APP: variants seen among roughly 807,000 people sequenced by gnomAD.
APP encodes the protein amyloid-beta precursor protein.
In APP, 31 loss-of-function variants were observed where a neutral mutation model predicts 101.4. The ratio of observed to expected loss-of-function variants is 0.31; its 90% confidence interval spans 0.23 to 0.41. The LOEUF (loss-of-function observed/expected upper bound fraction) is 0.41. Among genes scored for constraint, APP ranks in the 10% least tolerant of loss-of-function variants. The pLI is 1.00. For synonymous variants in APP, 366 were observed against 364.4 expected, an observed-to-expected ratio of 1.00 and a Z score of -0.05; for missense variants, 839 against 1,003.7, an observed-to-expected ratio of 0.84 and a Z score of 2.22.
intron 17 of APP, among the ~76,000 whole-genome samples, chr21:25,888,783 C>T (rs545876967): frequency 9.2e-5 from 14 of 152,216 alleles, no homozygotes; most frequent in African/African-American, 2.9e-4. Flanking sequence ...AAAAAAAGAG[C>T]GTTTTAATTC....
At chr21:26,112,224 T>C (rs1601492738) in intron 1 of APP, 78 bp from the exon 2 acceptor site, 8 of 1,447,766 alleles carry the variant, frequency 5.5e-6, no homozygotes, top group East Asian at 2.3e-5. Flanking sequence ...GGGATAACTA[T>C]CAAAAAGAGT....
intron 5 of APP, among the ~76,000 whole-genome samples, chr21:26,042,572 C>CA (rs1178047366): frequency 6.6e-6 from 1 of 152,146 alleles, no homozygotes; most frequent in Non-Finnish European, 1.5e-5. Flanking sequence ...CCTGTGCAAG[C>CA]GTTTTATGAT....
intron 8 of APP, among the ~76,000 whole-genome samples, chr21:25,996,048 A>G (rs918842967): frequency 3.9e-5 from 6 of 152,182 alleles, no homozygotes; most frequent in African/African-American, 1.2e-4. Flanking sequence ...TAAATGGCAT[A>G]TATCATCCCT....
chr21:26,131,096 GCACT>G (rs1242849025), intron 1 of APP, among the ~76,000 whole-genome samples: 1 of 152,006 alleles, frequency 6.6e-6, no homozygotes, highest in Non-Finnish European at 1.5e-5. Flanking sequence ...GGGCGTGGTG[GCACT>G]CACCCGTAAT....
chr21:25,968,214 C>T (rs1016244578), intron 11 of APP, among the ~76,000 whole-genome samples: 18 of 151,974 alleles, frequency 1.2e-4, no homozygotes, highest in African/African-American at 4.4e-4. Flanking sequence ...GCAGTGGCAC[C>T]ATCACAGCTC....
At position 26,123,517 on chromosome 21, in the gene APP, T is replaced by C. The variant is rs528138285; in HGVS notation, c.58-11371A>G. 2.0e-5 allele frequency among the ~76,000 whole-genome samples: 3 copies of C among 152,314 alleles called. 1 individual carries two copies. In the South Asian group the frequency reaches 6.2e-4, roughly 32 times the overall value. ...TATTTGCTTGATAAGCCTGGGTAGA[T>C]TGTCCTTCTTAAATAACTTACACCA... is the stretch of plus-strand genomic sequence containing the variant. On this transcript the variant is annotated intron_variant, in intron 1 of 17. Coordinates refer to ENST00000346798, the MANE Select transcript of APP (RefSeq NM_000484.4).
chr21:26,018,321 T>C (rs562270688), intron 6 of APP, among the ~76,000 whole-genome samples: 66 of 152,354 alleles, frequency 4.3e-4, no homozygotes, highest in Non-Finnish European at 7.2e-4. Context: ...AACAAGATTG[T>C]AAGCCTCCCT....
intron 5 of APP, among the ~76,000 whole-genome samples, chr21:26,041,036 T>G (rs183119973): frequency 6.6e-6 from 1 of 152,208 alleles, no homozygotes; most frequent in Non-Finnish European, 1.5e-5. Context: ...TTTTGTTCAC[T>G]CTCTACCTCT....
chr21:26,033,868 A>G (rs1334039047), intron 5 of APP, among the ~76,000 whole-genome samples: 1 of 152,164 alleles, frequency 6.6e-6, no homozygotes, highest in East Asian at 1.9e-4. Context: ...TTTGAGTTGG[A>G]GAATAGTTAC....
At chr21:25,924,774 A>T (rs1206511523) in intron 13 of APP, among the ~76,000 whole-genome samples, 1 of 149,702 alleles carries the variant, frequency 6.7e-6, no homozygotes, top group African/African-American at 2.6e-5. Flanking sequence ...AACTTAAAGT[A>T]AACAAAGAAA....
chr21:25,940,615 A>T (rs216763), intron 13 of APP, among the ~76,000 whole-genome samples: 127,168 of 152,146 alleles, frequency 0.84, 54,173 homozygotes, highest in Non-Finnish European at 0.92. Context: ...GCAGCTGTTA[A>T]ATTTTTGTGA....
At chr21:26,126,464 A>G (rs966531564) in intron 1 of APP, among the ~76,000 whole-genome samples, 1 of 152,154 alleles carries the variant, frequency 6.6e-6, no homozygotes, top group African/African-American at 2.4e-5. Context: ...TTACCCTGAC[A>G]CTAGTCTCAC....
At position 25,983,057 on chromosome 21, in the gene APP, AC is replaced by A. The variant is rs530814031; in HGVS notation, c.1091-581del. 1.1e-3 allele frequency among the ~76,000 whole-genome samples: 169 copies of A among 152,364 alleles called. 1 individual carries two copies. Among genetic ancestry groups the A allele is most frequent in the African/African-American group, 3.9e-3 (162 of 41,592 alleles). On this transcript the variant is annotated intron_variant, in intron 8 of 17. Coordinates refer to ENST00000346798, the MANE Select transcript of APP (RefSeq NM_000484.4). ...AAACACATTTTTGAATCACAAAAGG[AC>A]TTTTCTGTCTTCATAAATTTGACAA... is the stretch of plus-strand genomic sequence containing the variant.
chr21:26,085,114 T>G (rs758298055), intron 3 of APP, among the ~76,000 whole-genome samples: 1 of 152,166 alleles, frequency 6.6e-6, no homozygotes, highest in Non-Finnish European at 1.5e-5. Flanking sequence ...ACTGATAAGA[T>G]TTCTTTTCCG....
intron 9 of APP, among the ~76,000 whole-genome samples, chr21:25,980,801 T>C (rs1424627297): frequency 6.6e-6 from 1 of 152,170 alleles, no homozygotes; most frequent in Non-Finnish European, 1.5e-5. Context: ...GAGATGATTA[T>C]CATGGAAAAG....
chr21:25,981,733 T>TC (rs1245865404), intron 9 of APP, among the ~76,000 whole-genome samples: 20 of 142,818 alleles, frequency 1.4e-4, no homozygotes, highest in African/African-American at 3.8e-4. Flanking sequence ...TTTTTTTTTT[T>TC]CAGCAAAGTA....
At chr21:26,137,538 G>C (rs1410446419) in intron 1 of APP, among the ~76,000 whole-genome samples, 1 of 152,078 alleles carries the variant, frequency 6.6e-6, no homozygotes, top group Non-Finnish European at 1.5e-5. Flanking sequence ...ACGGAGGTTT[G>C]CTCCTTCATT....
At chr21:26,030,377 T>C (rs2044767110) in intron 5 of APP, among the ~76,000 whole-genome samples, 1 of 152,174 alleles carries the variant, frequency 6.6e-6, no homozygotes, top group African/African-American at 2.4e-5. Flanking sequence ...TAAAAATTTA[T>C]GTTAATTTTG....
Position 26,053,341 on chromosome 21 carries a change from C to G in APP, c.363G>C (p.Glu121Asp). The change falls in exon 4 of 18, where the codon GAG (glutamate) becomes GAC (aspartate). Residue 121 changes from glutamate to aspartate, a missense_variant. Glu to Asp is a conservative substitution (Grantham distance 45). Coordinates refer to ENST00000346798, the MANE Select transcript of APP (RefSeq NM_000484.4). ...FVIPYRCLVG[E>D]FVSDALLVPD... Reference sequence around the variant, plus strand: ...GAACGAGAAGGGCATCACTTACAAACTCACCAACTGAAAGAAAGGAAAACC... The same window carrying G: ...GAACGAGAAGGGCATCACTTACAAAGTCACCAACTGAAAGAAAGGAAAACC... The G allele has an allele frequency of 3.1e-6, 5 of 1,609,186 alleles. No individual in the cohort carries two copies. Among genetic ancestry groups the G allele is most frequent in the Non-Finnish European group, 4.3e-6 (5 of 1,175,530 alleles).
Sources: gnomAD v4.1 joint callset for allele counts (sites outside exome capture counted in the v4.1 genomes callset) on GRCh38, gnomAD v4.1.1 for gene constraint, MANE v1.5 for transcripts, NCBI Gene and HGNC (gene_info 2026-07-23, HGNC 2026-07-21) for gene names.